The following DYM variants were observed in gnomAD, a reference collection of about 807,000 sequenced individuals.
The protein encoded by DYM is dymeclin.
In DYM, 78 loss-of-function variants were observed where a neutral mutation model predicts 93.1. The observed-to-expected ratio is 0.84, with a 90% CI of 0.70 to 1.01. The LOEUF (loss-of-function observed/expected upper bound fraction) is 1.01. Among genes scored for constraint, DYM ranks in the 50% least tolerant of loss-of-function variants. The probability of loss-of-function intolerance (pLI) is 0.00; values close to 1 mark genes in which losing one functional copy is unlikely to be tolerated. For synonymous variants in DYM, 321 were observed against 319.7 expected (o/e 1.00, Z -0.04); for missense variants, 789 against 845.0 (o/e 0.93, Z 0.82).
intron 11 of DYM, among the ~76,000 whole-genome samples, chr18:49,262,499 C>T (rs1191808375): frequency 1.3e-5 from 2 of 152,200 alleles, no homozygotes; most frequent in African/African-American, 2.4e-5. Flanking sequence ...AAGAAACTAA[C>T]ACACATCTGG....
chr18:49,141,069 A>T (rs2084429898), intron 15 of DYM, among the ~76,000 whole-genome samples: 1 of 152,102 alleles, frequency 6.6e-6, no homozygotes, highest in African/African-American at 2.4e-5. Context: ...TCTTCCACCC[A>T]GCTTCTGAAG....
chr18:49,160,448 G>C (rs1476052277), intron 15 of DYM, among the ~76,000 whole-genome samples: 1 of 151,980 alleles, frequency 6.6e-6, no homozygotes, highest in Non-Finnish European at 1.5e-5. Flanking sequence ...TCTCTAGGTA[G>C]ACTGAAAGTA....
At chr18:49,444,280 C>T (rs990645665) in intron 1 of DYM, among the ~76,000 whole-genome samples, 6 of 152,072 alleles carry the variant, frequency 3.9e-5, no homozygotes, top group African/African-American at 7.2e-5. Flanking sequence ...CGTCCTGCCA[C>T]GAAACAATAC....
chr18:49,059,266 C>A (rs1213477511), intron 17 of DYM, among the ~76,000 whole-genome samples: 1 of 152,182 alleles, frequency 6.6e-6, no homozygotes, highest in Non-Finnish European at 1.5e-5. Flanking sequence ...GACACCAAAT[C>A]TGCTGGTGCT....
chr18:49,074,096 C>A (rs1319072147), intron 17 of DYM, among the ~76,000 whole-genome samples: 1 of 152,154 alleles, frequency 6.6e-6, no homozygotes, highest in African/African-American at 2.4e-5. Context: ...TTTTGGCCTC[C>A]ACAGCTTATA....
chr18:49,158,131 ACTC>A (rs1198487118), intron 15 of DYM, among the ~76,000 whole-genome samples: 1 of 151,734 alleles, frequency 6.6e-6, no homozygotes, highest in Non-Finnish European at 1.5e-5. Flanking sequence ...TCAAATTTCA[ACTC>A]CTTTCAATGA....
rs376011564 is a variant in DYM at position 49,278,105 on chromosome 18, G to C, written c.1125+3892C>G. Among the ~76,000 whole-genome samples the C allele has an allele frequency of 4.6e-5, 7 of 152,094 alleles. No homozygotes were observed. In the East Asian group the frequency reaches 5.8e-4, roughly 13 times the overall value. On this transcript the variant is annotated intron_variant, in intron 10 of 17. Coordinates refer to ENST00000675505, the MANE Select transcript of DYM (RefSeq NM_001353214.3). Reference sequence around the variant, plus strand: ...GAGCTAAAAAAAAATTTTCCTTTTTGATGTTTATATAAAAACCACATTCAG... The same window carrying C: ...GAGCTAAAAAAAAATTTTCCTTTTTCATGTTTATATAAAAACCACATTCAG...
At chr18:49,364,696 C>T (rs1272085799) in intron 5 of DYM, among the ~76,000 whole-genome samples, 1 of 152,100 alleles carries the variant, frequency 6.6e-6, no homozygotes, top group Non-Finnish European at 1.5e-5. Context: ...AGATATAGGT[C>T]CTGCATCCCT....
chr18:49,445,660 A>T (rs913217498), intron 1 of DYM, among the ~76,000 whole-genome samples: 1 of 152,196 alleles, frequency 6.6e-6, no homozygotes, highest in East Asian at 1.9e-4. Context: ...CAAGTCAGGC[A>T]TGGTGGGGAT....
At chr18:49,450,973 GA>G (rs1175308937) in intron 1 of DYM, among the ~76,000 whole-genome samples, 1 of 152,186 alleles carries the variant, frequency 6.6e-6, no homozygotes, top group Non-Finnish European at 1.5e-5. Context: ...TTGGAAGAGA[GA>G]AAGAACGTAC....
At chr18:49,227,430 T>C (rs2093571269) in intron 13 of DYM, among the ~76,000 whole-genome samples, 1 of 152,112 alleles carries the variant, frequency 6.6e-6, no homozygotes, top group African/African-American at 2.4e-5. Context: ...GAGTTTAAAG[T>C]CTATTGGAGT....
chr18:49,214,360 G>A (rs543579007), intron 13 of DYM, among the ~76,000 whole-genome samples: 11 of 152,292 alleles, frequency 7.2e-5, no homozygotes, highest in Admixed American at 2.6e-4. Context: ...GCGAGGAATT[G>A]AGGTTGTATG....
rs571709944 is a variant in DYM at position 49,421,497 on chromosome 18, C to G, written c.140+8758G>C. On this transcript the variant is annotated intron_variant, in intron 2 of 17. Transcript: ENST00000675505. ...ACATCCACACCAAACCCCATCTGTA[C>G]GTCACTATCATCAAAGACCAAAGAT... 2.0e-5 allele frequency among the ~76,000 whole-genome samples: 3 copies of G among 152,242 alleles called. No individual in the cohort carries two copies. The East Asian group carries it at 5.8e-4, about 29-fold the overall frequency.
chr18:49,130,256 C>T (rs78573543), intron 15 of DYM, among the ~76,000 whole-genome samples: 3,812 of 152,288 alleles, frequency 0.025, 58 homozygotes, highest in South Asian at 0.065. Flanking sequence ...AGACTCCACC[C>T]TTTAAGCATA....
At chr18:49,204,030 C>T (rs531828118) in intron 14 of DYM, among the ~76,000 whole-genome samples, 1 of 152,140 alleles carries the variant, frequency 6.6e-6, no homozygotes, top group East Asian at 1.9e-4. Flanking sequence ...TTACACAGCA[C>T]CTATATCTAA....
intron 6 of DYM, among the ~76,000 whole-genome samples, chr18:49,337,370 C>T (rs2063749108): frequency 6.6e-6 from 1 of 152,170 alleles, no homozygotes. Context: ...CCCCTCCATA[C>T]ATGTGGATTG....
At chr18:49,282,241 A>G in intron 9 of DYM, 66 bp from the exon 10 acceptor site, 2 of 1,373,078 alleles carry the variant, frequency 1.5e-6, no homozygotes, top group Non-Finnish European at 2.1e-6. Flanking sequence ...AAATATTGTT[A>G]AAGTAATGTG....
intron 8 of DYM, among the ~76,000 whole-genome samples, chr18:49,319,789 C>T (rs151321334): frequency 3.3e-5 from 5 of 152,316 alleles, no homozygotes; most frequent in African/African-American, 1.2e-4. Context: ...CAATCCACCA[C>T]CCTGCTAGTG....
At chr18:49,418,045 A>C (rs1345129791) in intron 2 of DYM, 2 of 135,896 alleles carry the variant, frequency 1.5e-5, no homozygotes, top group African/African-American at 5.5e-5. Flanking sequence ...GGGCAACAAG[A>C]GTGAAACTCT....
Sources: gnomAD v4.1 joint callset for allele counts (sites outside exome capture counted in the v4.1 genomes callset) on GRCh38, gnomAD v4.1.1 for gene constraint, MANE v1.5 for transcripts, NCBI Gene and HGNC (gene_info 2026-07-23, HGNC 2026-07-21) for gene names.